Variants in SCARA3 observed in about 807,000 individuals in gnomAD.
SCARA3 encodes cellular stress response gene protein.
SCARA3 carries 39 observed loss-of-function variants against 47.0 expected under a neutral mutation model. The ratio of observed to expected loss-of-function variants is 0.83; its 90% CI spans 0.64 to 1.08. The LOEUF (loss-of-function observed/expected upper bound fraction) is 1.08, where lower values mean the gene tolerates loss of function less well. SCARA3 is among the 50% of genes least tolerant of loss of function. SCARA3 has a pLI of 0.00. For missense variants in SCARA3, 724 were observed against 792.3 expected, an observed-to-expected ratio of 0.91 and a Z score of 1.04; for synonymous variants, 356 against 334.1, an observed-to-expected ratio of 1.07 and a Z score of -0.71.
At chr8:27,726,407 TA>T in the SCARA3 span, among the ~76,000 whole-genome samples, 1 of 151,508 alleles carries the variant, frequency 6.6e-6, no homozygotes, top group African/African-American at 2.4e-5. Flanking sequence ...CATTGTCTCT[TA>T]AAAACAACAG....
At chr8:27,687,820 C>A in the SCARA3 span, among the ~76,000 whole-genome samples, 2 of 151,990 alleles carry the variant, frequency 1.3e-5, no homozygotes, top group African/African-American at 4.8e-5. Context: ...AGTTCGAGAC[C>A]AGCCTGGCTA....
chr8:27,683,034 A>C, the SCARA3 span, among the ~76,000 whole-genome samples: 1 of 152,196 alleles, frequency 6.6e-6, no homozygotes, highest in African/African-American at 2.4e-5. Flanking sequence ...AAACAAAAAA[A>C]ACACACAAAA....
chr8:27,665,972 G>T (rs929997541), intron 5 of SCARA3, among the ~76,000 whole-genome samples: 9 of 152,236 alleles, frequency 5.9e-5, no homozygotes, highest in African/African-American at 2.2e-4. Flanking sequence ...AGATGGGCAA[G>T]ATACAAAGGG....
intron 5 of SCARA3, among the ~76,000 whole-genome samples, chr8:27,662,311 GC>G (rs1420942936): frequency 2.0e-5 from 3 of 152,330 alleles, no homozygotes; most frequent in African/African-American, 4.8e-5. Context: ...CCACTCCTAA[GC>G]CCCGCAAGGT....
At chr8:27,652,646 G>T (rs1159834189) in intron 3 of SCARA3, among the ~76,000 whole-genome samples, 1 of 152,204 alleles carries the variant, frequency 6.6e-6, no homozygotes, top group Admixed American at 6.5e-5. Context: ...GATTTGAATA[G>T]ACACAAGTCG....
intron 1 of SCARA3, among the ~76,000 whole-genome samples, chr8:27,644,492 A>G (rs1270559017): frequency 6.6e-6 from 1 of 152,162 alleles, no homozygotes; most frequent in Admixed American, 6.5e-5. Flanking sequence ...GTTTGTTCCC[A>G]GAGAGGAGTT....
At chr8:27,652,148 C>T (rs911099177) in intron 3 of SCARA3, among the ~76,000 whole-genome samples, 1 of 152,198 alleles carries the variant, frequency 6.6e-6, no homozygotes, top group Non-Finnish European at 1.5e-5. Context: ...ATTCCTGGGT[C>T]TCCCTCAGCC....
At position 27,658,716 on chromosome 8, in the gene SCARA3, C is replaced by T; in HGVS notation, c.546C>T (p.Asn182=). The change falls in exon 5 of 6, where the codon AAC becomes AAT. Residue 182 remains asparagine (N), a synonymous_variant. Transcript: ENST00000301904. ...GSCSFSIHQV[N]QSLGLFLAQV... is the part of the protein sequence containing the mutation. Reference sequence around the variant, plus strand: ...GCTCCTTCTCCATCCACCAGGTTAACCAGTCTCTGGGGCTCTTCCTGGCCC... The same window carrying T: ...GCTCCTTCTCCATCCACCAGGTTAATCAGTCTCTGGGGCTCTTCCTGGCCC... The T allele has an allele frequency of 6.2e-7, 1 of 1,614,152 alleles. No individual in the cohort carries two copies. Among genetic ancestry groups the T allele is most frequent in the Admixed American group, 1.7e-5 (1 of 60,016 alleles).
At chr8:27,729,862 G>A in the SCARA3 span, among the ~76,000 whole-genome samples, 5 of 152,064 alleles carry the variant, frequency 3.3e-5, no homozygotes, top group African/African-American at 4.8e-5. Context: ...TGCACACCGC[G>A]GAAGGTAGAG....
At chr8:27,642,113 G>A (rs538836167) in intron 1 of SCARA3, among the ~76,000 whole-genome samples, 13 of 152,156 alleles carry the variant, frequency 8.5e-5, no homozygotes, top group African/African-American at 2.2e-4. Context: ...CTAAGATGGC[G>A]ATAGAGTATG....
intron 1 of SCARA3, among the ~76,000 whole-genome samples, chr8:27,638,733 C>G (rs986925220): frequency 5.9e-5 from 9 of 152,184 alleles, no homozygotes; most frequent in Admixed American, 5.2e-4. Flanking sequence ...TGCCCTTTCT[C>G]TCAGGGAGCT....
downstream of SCARA3, chr8:27,676,446 C>T (rs1223220824): frequency 9.8e-7 from 1 of 1,019,698 alleles, no homozygotes; most frequent in Non-Finnish European, 1.4e-6. Flanking sequence ...GCCAGGCCCC[C>T]GACTTCCCTG....
the SCARA3 span, among the ~76,000 whole-genome samples, chr8:27,711,080 G>A: frequency 1.3e-5 from 2 of 151,882 alleles, no homozygotes; most frequent in Admixed American, 6.6e-5. Flanking sequence ...CTGCCACCAC[G>A]CCCGACTAAT....
In SCARA3 at chr8:27,658,354, G is replaced by A. The variant is rs1221306795; in HGVS notation, c.326-142G>A. The A allele has an allele frequency of 8.5e-6, 6 of 703,934 alleles. No homozygotes were observed. In the East Asian group the frequency reaches 1.6e-4, roughly 19 times the overall value. The allele number at this position is 703,934 out of a possible 1,614,324, so 43.6% of individuals were successfully genotyped here. On this transcript the variant is annotated intron_variant, in intron 4 of 5. Transcript: ENST00000301904. ...GAGGTGGCAAGGCTTTTTCAAGAAG[G>A]AATTCATAACAGGACTTCTGGAAGG...
At chr8:27,719,623 C>T in the SCARA3 span, among the ~76,000 whole-genome samples, 75 of 151,994 alleles carry the variant, frequency 4.9e-4, no homozygotes, top group Non-Finnish European at 2.9e-4. Context: ...TCGGAGTTCT[C>T]ATCCATTCAA....
At position 27,659,421 on chromosome 8, in the gene SCARA3, C is replaced by T. The variant is rs144682848; in HGVS notation, c.1251C>T (p.Phe417=). 14 of 1,613,706 alleles carry T rather than the reference C, an allele frequency of 8.7e-6. No homozygotes were observed. The highest frequency in any genetic ancestry group is 3.3e-5 in the South Asian group (3 of 91,038). The change falls in exon 5 of 6, where the codon TTC becomes TTT. Residue 417 remains phenylalanine (F), a synonymous_variant. Transcript: ENST00000301904. ...LGTTDLLRER[F]SLLSARLDLN... is the part of the protein sequence containing the mutation. ...CCACAGACCTGCTCCGGGAGCGCTT[C>T]AGCCTGCTCAGTGCCCGGCTGGACC... is the stretch of plus-strand genomic sequence containing the variant.
chr8:27,659,658 C>T, intron 5 of SCARA3, 119 bp downstream of exon 5: 1 of 795,472 alleles, frequency 1.3e-6, no homozygotes, highest in East Asian at 2.7e-5. Context: ...AATCCTATAG[C>T]AAATGCCTAC....
the SCARA3 span, among the ~76,000 whole-genome samples, chr8:27,689,191 A>G: frequency 6.6e-6 from 1 of 152,192 alleles, no homozygotes; most frequent in East Asian, 1.9e-4. Flanking sequence ...GATTTGATAA[A>G]CCAGTTCCGG....
intron 5 of SCARA3, among the ~76,000 whole-genome samples, chr8:27,661,081 C>A (rs35110486): frequency 2.4e-4 from 37 of 152,170 alleles, no homozygotes; most frequent in Non-Finnish European, 5.0e-4. Flanking sequence ...CTGCTCACGC[C>A]AGGGAGGGCA....
Sources: gnomAD v4.1 joint callset for allele counts (sites outside exome capture counted in the v4.1 genomes callset) on GRCh38, gnomAD v4.1.1 for gene constraint, MANE v1.5 for transcripts, NCBI Gene and HGNC (gene_info 2026-07-23, HGNC 2026-07-21) for gene names.